Variants in GPATCH8 observed in about 807,000 individuals in gnomAD.
The protein encoded by GPATCH8 is G patch domain-containing protein 8.
In GPATCH8, 18 loss-of-function variants were observed where a neutral mutation model predicts 118.3. That is an observed-to-expected ratio of 0.15 (90% CI 0.11 to 0.23). The LOEUF (loss-of-function observed/expected upper bound fraction) is 0.23, where lower values mean the gene tolerates loss of function less well. GPATCH8 is among the 10% of genes least tolerant of loss of function. The pLI is 1.00. For synonymous variants in GPATCH8, 659 were observed against 684.7 expected (o/e 0.96, Z 0.59); for missense variants, 1,631 against 1,873.8 (o/e 0.87, Z 2.39).
chr17:44,437,955 A>C lies in GPATCH8; in HGVS notation c.194-1410T>G, dbSNP rs538484638. Among the ~76,000 whole-genome samples the C allele has an allele frequency of 9.1e-4, 112 of 123,040 alleles. No homozygotes were observed. The East Asian group carries it at 0.019, about 21-fold the overall frequency. 80.7% of individuals were successfully genotyped at this position (123,040 alleles called of 152,430 possible). A position where few individuals can be genotyped will look rare whatever the true frequency, so the allele number is the denominator to read the frequency against. On this transcript the variant is annotated intron_variant, in intron 3 of 7. Transcript: ENST00000591680. ...GAACATCTCATGTCAGAAAAAAAAA[A>C]AAAACAAAACAACAACTTCTAGAAT... is the stretch of plus-strand genomic sequence containing the variant.
At chr17:44,462,263 C>T (rs2051582609) in intron 3 of GPATCH8, among the ~76,000 whole-genome samples, 1 of 152,150 alleles carries the variant, frequency 6.6e-6, no homozygotes, top group Non-Finnish European at 1.5e-5. Context: ...TGGGTGTCCT[C>T]GAATAGAAGA....
At chr17:44,488,983 C>T (rs1046118646) in intron 1 of GPATCH8, among the ~76,000 whole-genome samples, 9 of 150,892 alleles carry the variant, frequency 6.0e-5, no homozygotes, top group African/African-American at 2.2e-4. Flanking sequence ...TGCTTGAACC[C>T]GGGAGGCAGA....
chr17:44,460,701 A>G (rs1381729918), intron 3 of GPATCH8, among the ~76,000 whole-genome samples: 1 of 152,248 alleles, frequency 6.6e-6, no homozygotes, highest in East Asian at 1.9e-4. Flanking sequence ...GAAAGTTGAC[A>G]ATGAACTAGT....
chr17:44,435,162 A>G lies in GPATCH8; in HGVS notation c.262-11T>C, dbSNP rs767847099. ...TTCAGCATAATCAAGCTTGACAAAA[A>G]TAGATATGATTAGATTTAATTCCTA... On this transcript the variant is annotated splice_polypyrimidine_tract_variant and intron_variant, in intron 4 of 7. Coordinates refer to ENST00000591680, the MANE Select transcript of GPATCH8 (RefSeq NM_001002909.4). 20 of 1,240,480 alleles carry G rather than the reference A, an allele frequency of 1.6e-5. No homozygotes were observed. The Admixed American group carries it at 3.4e-4, about 21-fold the overall frequency. 76.8% of individuals were successfully genotyped at this position (1,240,480 alleles called of 1,614,324 possible). A position where few individuals can be genotyped will look rare whatever the true frequency, so the allele number is the denominator to read the frequency against.
chr17:44,443,638 C>T (rs1275227643), intron 3 of GPATCH8, among the ~76,000 whole-genome samples: 1 of 152,054 alleles, frequency 6.6e-6, no homozygotes, highest in Non-Finnish European at 1.5e-5. Context: ...TTTTAGTGAC[C>T]TATACAACAA....
intron 7 of GPATCH8, among the ~76,000 whole-genome samples, chr17:44,403,226 C>G (rs2049094098): frequency 6.6e-6 from 1 of 152,136 alleles, no homozygotes; most frequent in African/African-American, 2.4e-5. Context: ...CAGGCATGTA[C>G]CACCATGCCC....
rs750958709 is a variant in GPATCH8, at chr17:44,397,425, C to T, written c.*143G>A. 4 of 715,984 alleles carry T rather than the reference C, an allele frequency of 5.6e-6. No individual in the cohort carries two copies. The highest frequency in any genetic ancestry group is 1.0e-5 in the Non-Finnish European group (4 of 392,918). The allele number at this position is 715,984 out of a possible 1,614,324, so 44.4% of individuals were successfully genotyped here. A position where few individuals can be genotyped will look rare whatever the true frequency, so the allele number is the denominator to read the frequency against. ...AAAGCAAACTTCAAATCTAAACCCACCCCTGCAAGCCAAAACTCAATTCTT... is the reference window on the plus strand; with the variant it reads ...AAAGCAAACTTCAAATCTAAACCCATCCCTGCAAGCCAAAACTCAATTCTT... On this transcript the variant is annotated 3_prime_UTR_variant, in exon 8 of 8. Transcript: ENST00000591680.
intron 1 of GPATCH8, among the ~76,000 whole-genome samples, chr17:44,475,219 A>T (rs1189308694): frequency 6.6e-6 from 1 of 151,334 alleles, no homozygotes; most frequent in Admixed American, 6.6e-5. Flanking sequence ...TCTCCACTAA[A>T]ATTACAAAAA....
At position 44,395,669 on chromosome 17, in the gene GPATCH8, T is replaced by G; in HGVS notation, c.*1899A>C. The G allele has an allele frequency of 2.2e-6, 1 of 454,158 alleles. No homozygotes were observed. Among genetic ancestry groups the G allele is most frequent in the Non-Finnish European group, 4.4e-6 (1 of 226,800 alleles). 28.1% of individuals were successfully genotyped at this position (454,158 alleles called of 1,614,324 possible). A position where few individuals can be genotyped will look rare whatever the true frequency, so the allele number is the denominator to read the frequency against. ...AACAGGTAGGAGGGTGGGAGGGCAGTCAAGAGTTGTGTTTGCCTGCCACTT... is the reference window on the plus strand; with the variant it reads ...AACAGGTAGGAGGGTGGGAGGGCAGGCAAGAGTTGTGTTTGCCTGCCACTT... On this transcript the variant is annotated 3_prime_UTR_variant, in exon 8 of 8. Transcript: ENST00000591680.
At chr17:44,447,615 C>A (rs1361947007) in intron 3 of GPATCH8, among the ~76,000 whole-genome samples, 2 of 151,750 alleles carry the variant, frequency 1.3e-5, no homozygotes, top group Admixed American at 1.3e-4. Context: ...AATATTATCA[C>A]CACCTTTTTT....
At chr17:44,458,088 C>CAA (rs368372910) in intron 3 of GPATCH8, among the ~76,000 whole-genome samples, 4 of 91,494 alleles carry the variant, frequency 4.4e-5, no homozygotes, top group Admixed American at 1.2e-4. Context: ...GACTCCATTT[C>CAA]AAAAAAAAAA....
chr17:44,434,698 A>G (rs2050437405), intron 5 of GPATCH8, among the ~76,000 whole-genome samples: 1 of 152,198 alleles, frequency 6.6e-6, no homozygotes, highest in South Asian at 2.1e-4. Flanking sequence ...TACAAGTGTG[A>G]GCCACTGTGT....
Position 44,483,209 on chromosome 17 carries a change from A to G in GPATCH8, c.46-8306T>C, listed in dbSNP as rs1229876129. Among the ~76,000 whole-genome samples the G allele has an allele frequency of 3.3e-3, 298 of 90,738 alleles. 21 individuals carry two copies. The highest frequency in any genetic ancestry group is 0.011 in the African/African-American group (286 of 25,490). The allele number at this position is 90,738 out of a possible 152,430, so 59.5% of individuals were successfully genotyped here. A position where few individuals can be genotyped will look rare whatever the true frequency, so the allele number is the denominator to read the frequency against. ...TATATATATATATATATATATATATATATATATACAGCCTACCTCTCATAT... is the reference window on the plus strand; with the variant it reads ...TATATATATATATATATATATATATGTATATATACAGCCTACCTCTCATAT... On this transcript the variant is annotated intron_variant, in intron 1 of 7. Transcript: ENST00000591680.
At chr17:44,498,348 T>C (rs1568078789) in intron 1 of GPATCH8, among the ~76,000 whole-genome samples, 3 of 152,194 alleles carry the variant, frequency 2.0e-5, no homozygotes, top group South Asian at 2.1e-4. Flanking sequence ...ACAAATAATA[T>C]ACATCATCAC....
At chr17:44,425,266 A>G (rs115133047) in intron 5 of GPATCH8, among the ~76,000 whole-genome samples, 2 of 152,340 alleles carry the variant, frequency 1.3e-5, no homozygotes, top group African/African-American at 4.8e-5. Flanking sequence ...CATTACTTTC[A>G]TAATGAGCAA....
intron 1 of GPATCH8, among the ~76,000 whole-genome samples, chr17:44,500,783 C>G (rs550134088): frequency 1.4e-4 from 21 of 152,268 alleles, no homozygotes; most frequent in South Asian, 8.3e-4. Flanking sequence ...GACTTGTTTT[C>G]AAGTATAGTC....
chr17:44,491,786 C>T (rs1341817615), intron 1 of GPATCH8, among the ~76,000 whole-genome samples: 1 of 151,212 alleles, frequency 6.6e-6, no homozygotes, highest in African/African-American at 2.4e-5. Context: ...TCCAAGAGGT[C>T]AAGAGTGCAG....
chr17:44,501,186 G>T lies in GPATCH8; in HGVS notation c.45+2140C>A. Among the ~76,000 whole-genome samples, 2 of 152,074 alleles carry T rather than the reference G, an allele frequency of 1.3e-5. 1 individual carries two copies. ...TGTAATCCTAGCACTTTGGGAGGCC[G>T]AGGCAGGCGGATCACGAGTCAGGAG... On this transcript the variant is annotated intron_variant, in intron 1 of 7. Coordinates refer to ENST00000591680, the MANE Select transcript of GPATCH8 (RefSeq NM_001002909.4).
intron 1 of GPATCH8, among the ~76,000 whole-genome samples, chr17:44,496,909 A>G (rs1333997051): frequency 6.6e-6 from 1 of 152,216 alleles, no homozygotes; most frequent in Non-Finnish European, 1.5e-5. Context: ...CTCCAGAGTT[A>G]AATGGACAAT....
Sources: allele counts gnomAD v4.1 joint callset (sites outside exome capture counted in the v4.1 genomes callset), GRCh38; gene constraint gnomAD v4.1.1; transcripts MANE v1.5; gene names NCBI Gene and HGNC (gene_info 2026-07-23, HGNC 2026-07-21).